R3HDM2: variants seen among roughly 807,000 people sequenced by gnomAD.
R3HDM2 encodes R3H domain-containing protein 2.
A neutral mutation model predicts 124.5 loss-of-function variants in R3HDM2; 38 were observed. The ratio of observed to expected loss-of-function variants is 0.31; its 90% confidence interval spans 0.24 to 0.40. R3HDM2 has a LOEUF of 0.40. Among genes scored for constraint, R3HDM2 ranks in the 10% least tolerant of loss-of-function variants. R3HDM2 has a pLI of 1.00. For synonymous variants in R3HDM2, 391 were observed against 448.0 expected (o/e 0.87, Z 1.61); for missense variants, 869 against 1,236.9 (o/e 0.70, Z 4.46).
chr12:57,346,464 CA>C (rs374372500), intron 2 of R3HDM2, among the ~76,000 whole-genome samples: 16 of 142,336 alleles, frequency 1.1e-4, no homozygotes, highest in Admixed American at 2.8e-4. Context: ...ATCTCAAAAA[CA>C]AAAAAAAAAG....
intron 2 of R3HDM2, among the ~76,000 whole-genome samples, chr12:57,361,451 T>C (rs2061959321): frequency 6.7e-6 from 1 of 149,310 alleles, no homozygotes; most frequent in South Asian, 2.1e-4. Flanking sequence ...TTTGGGAAAC[T>C]GAGGCAGGAG....
At chr12:57,394,014 C>A (rs2067114554) in intron 2 of R3HDM2, among the ~76,000 whole-genome samples, 1 of 152,106 alleles carries the variant, frequency 6.6e-6, no homozygotes, top group Non-Finnish European at 1.5e-5. Context: ...AATGGCTCTA[C>A]TCTAGGCTGG....
intron 2 of R3HDM2, among the ~76,000 whole-genome samples, chr12:57,387,787 A>G (rs2066060886): frequency 6.6e-6 from 1 of 152,170 alleles, no homozygotes; most frequent in Non-Finnish European, 1.5e-5. Context: ...GGGCGGACAA[A>G]AAGTGTCCAA....
chr12:57,287,243 C>T (rs1271668074), intron 12 of R3HDM2, among the ~76,000 whole-genome samples: 1 of 152,200 alleles, frequency 6.6e-6, no homozygotes, highest in Non-Finnish European at 1.5e-5. Flanking sequence ...ATAAAGTATA[C>T]TCTGGTGACT....
intron 11 of R3HDM2, among the ~76,000 whole-genome samples, chr12:57,290,367 A>G (rs891068373): frequency 1.3e-5 from 2 of 152,210 alleles, no homozygotes; most frequent in Non-Finnish European, 2.9e-5. Flanking sequence ...GGTGGTTTAC[A>G]TTAGGGGGTT....
chr12:57,430,377 C>T (rs1466173960), intron 1 of R3HDM2, among the ~76,000 whole-genome samples: 2 of 152,148 alleles, frequency 1.3e-5, no homozygotes, highest in Non-Finnish European at 2.9e-5. Flanking sequence ...GCTCCACGCT[C>T]GAAGGAAAAC....
At chr12:57,284,541 C>T (rs1389040463) in intron 12 of R3HDM2, among the ~76,000 whole-genome samples, 6 of 152,208 alleles carry the variant, frequency 3.9e-5, no homozygotes, top group African/African-American at 1.4e-4. Flanking sequence ...CATGTCTAAG[C>T]CAGCAGAGGT....
chr12:57,388,332 G>A (rs890651145), intron 2 of R3HDM2, among the ~76,000 whole-genome samples: 3 of 152,238 alleles, frequency 2.0e-5, no homozygotes, highest in African/African-American at 7.2e-5. Flanking sequence ...TGGGGCCAGT[G>A]TCATGCAGGC....
intron 19 of R3HDM2, among the ~76,000 whole-genome samples, chr12:57,266,090 C>G (rs1194878879): frequency 2.0e-5 from 3 of 150,126 alleles, no homozygotes; most frequent in African/African-American, 4.9e-5. Context: ...AGCCTCCGCA[C>G]CTGGCCATAA....
At chr12:57,378,995 G>A (rs1010938143) in intron 2 of R3HDM2, among the ~76,000 whole-genome samples, 1 of 152,192 alleles carries the variant, frequency 6.6e-6, no homozygotes, top group African/African-American at 2.4e-5. Context: ...CCACTTATAT[G>A]AGGTAGTTAG....
chr12:57,274,191 A>T (rs926801316), intron 14 of R3HDM2, among the ~76,000 whole-genome samples: 6 of 151,166 alleles, frequency 4.0e-5, no homozygotes, highest in Non-Finnish European at 8.9e-5. Context: ...TAAAGTGGTT[A>T]AAAAAAAATG....
chr12:57,360,008 T>TAAATAA (rs1246477444), intron 2 of R3HDM2, among the ~76,000 whole-genome samples: 2 of 89,374 alleles, frequency 2.2e-5, no homozygotes, highest in Non-Finnish European at 4.9e-5. Context: ...AATAAATAAA[T>TAAATAA]ATATATATAT....
chr12:57,326,408 G>A (rs1190384256), intron 2 of R3HDM2, among the ~76,000 whole-genome samples: 2 of 152,228 alleles, frequency 1.3e-5, no homozygotes, highest in South Asian at 4.1e-4. Flanking sequence ...GAAATTAAAC[G>A]TGCTACTACA....
intron 2 of R3HDM2, among the ~76,000 whole-genome samples, chr12:57,383,261 A>G (rs1462766936): frequency 1.3e-5 from 2 of 152,098 alleles, no homozygotes; most frequent in African/African-American, 4.8e-5. Context: ...TCAAGGCTGC[A>G]GTGAGCTGTG....
At chr12:57,396,800 G>C (rs543984265) in intron 1 of R3HDM2, among the ~76,000 whole-genome samples, 15 of 146,950 alleles carry the variant, frequency 1.0e-4, no homozygotes, top group African/African-American at 3.8e-4. Context: ...AAAAAGAGTA[G>C]TCTAGGCTGC....
chr12:57,271,894 ATT>A (rs377415685), intron 14 of R3HDM2, among the ~76,000 whole-genome samples: 6 of 143,518 alleles, frequency 4.2e-5, no homozygotes, highest in Admixed American at 6.9e-5. Flanking sequence ...CTGCAACTGC[ATT>A]TTTTTTTTTT....
At chr12:57,311,424 C>T (rs1343791685) in intron 2 of R3HDM2, among the ~76,000 whole-genome samples, 3 of 151,942 alleles carry the variant, frequency 2.0e-5, no homozygotes, top group Non-Finnish European at 4.4e-5. Context: ...GACAGGGTTT[C>T]ACTGTGTTAG....
At chr12:57,365,734 G>A (rs773054120) in intron 2 of R3HDM2, among the ~76,000 whole-genome samples, 4 of 152,034 alleles carry the variant, frequency 2.6e-5, no homozygotes, top group Admixed American at 6.6e-5. Context: ...TCAGGGGCTC[G>A]AGACCAGCCT....
chr12:57,299,276 T>C, intron 6 of R3HDM2, 76 bp downstream of exon 6: 1 of 1,432,022 alleles, frequency 7.0e-7, no homozygotes, highest in East Asian at 2.5e-5. Flanking sequence ...CCAGTAAGGC[T>C]GGCAGGTGCC....
Sources: gnomAD v4.1 joint callset for allele counts (sites outside exome capture counted in the v4.1 genomes callset) on GRCh38, gnomAD v4.1.1 for gene constraint, MANE v1.5 for transcripts, NCBI Gene and HGNC (gene_info 2026-07-23, HGNC 2026-07-21) for gene names.